The following FAM53B variants were observed in gnomAD, a reference collection of about 807,000 sequenced individuals.
FAM53B encodes protein FAM53B.
FAM53B carries 12 observed loss-of-function variants against 32.7 expected under a neutral mutation model. That is an observed-to-expected ratio of 0.37 (90% CI 0.24 to 0.59). The LOEUF is 0.59. Ranked by LOEUF, FAM53B falls within the 20% of genes least tolerant of loss-of-function variation. The pLI, the probability that FAM53B is intolerant of heterozygous loss-of-function variation, is 0.72. For missense variants in FAM53B, 477 were observed against 577.7 expected (o/e 0.83, Z 1.79); for synonymous variants, 234 against 228.7 (o/e 1.02, Z -0.21).
chr10:124,678,301 G>A (rs1440635421), intron 4 of FAM53B, among the ~76,000 whole-genome samples: 1 of 152,184 alleles, frequency 6.6e-6, no homozygotes, highest in Non-Finnish European at 1.5e-5. Context: ...GGGGGAGTGT[G>A]TGTACATACA....
chr10:124,702,932 C>T (rs991651585), intron 2 of FAM53B, among the ~76,000 whole-genome samples: 1 of 152,112 alleles, frequency 6.6e-6, no homozygotes, highest in Non-Finnish European at 1.5e-5. Context: ...GGTCTGGCAC[C>T]TCCTCCCTTC....
chr10:124,670,062 G>A (rs1175082681), intron 4 of FAM53B, among the ~76,000 whole-genome samples: 1 of 152,122 alleles, frequency 6.6e-6, no homozygotes, highest in African/African-American at 2.4e-5. Context: ...CCAGGGTGAG[G>A]CTGATGTGTG....
At chr10:124,737,237 C>A (rs1302144729) in intron 1 of FAM53B, among the ~76,000 whole-genome samples, 1 of 152,250 alleles carries the variant, frequency 6.6e-6, no homozygotes, top group Admixed American at 6.5e-5. Flanking sequence ...TCGGCCCAAA[C>A]CCAACTCCCC....
Position 124,672,007 on chromosome 10 carries a change from G to C in FAM53B, c.906+9600C>G, listed in dbSNP as rs559368553. Among the ~76,000 whole-genome samples the C allele has an allele frequency of 3.9e-5, 6 of 152,334 alleles. No homozygotes were observed. In the East Asian group the frequency reaches 1.2e-3, roughly 29 times the overall value. On this transcript the variant is annotated intron_variant, in intron 4 of 4. Transcript: ENST00000337318. ...GACTGTGGCTTGAAGTTGCAAGAAA[G>C]AGTGGTAATTCCGGATGGCTGATAC... is the stretch of plus-strand genomic sequence containing the variant.
At chr10:124,624,363 T>C (rs1056079531) in intron 4 of FAM53B, among the ~76,000 whole-genome samples, 3 of 152,184 alleles carry the variant, frequency 2.0e-5, no homozygotes, top group African/African-American at 4.8e-5. Flanking sequence ...ACAGAGTCTC[T>C]AGAAGGGAGT....
chr10:124,722,235 C>T (rs10901809), intron 1 of FAM53B, among the ~76,000 whole-genome samples: 39,334 of 152,004 alleles, frequency 0.26, 5,578 homozygotes, highest in East Asian at 0.35. Context: ...GTTGGAAATG[C>T]TAATCACCCT....
intron 1 of FAM53B, among the ~76,000 whole-genome samples, chr10:124,716,061 A>G (rs910306793): frequency 6.6e-6 from 1 of 152,244 alleles, no homozygotes; most frequent in African/African-American, 2.4e-5. Flanking sequence ...CAGCAGGGCA[A>G]GTGAGAGTGG....
chr10:124,645,243 GCT>G (rs1452973954), intron 4 of FAM53B, among the ~76,000 whole-genome samples: 1 of 152,242 alleles, frequency 6.6e-6, no homozygotes, highest in African/African-American at 2.4e-5. Flanking sequence ...CCGCCTATCT[GCT>G]CTCTCAGCCT....
At chr10:124,705,932 C>T (rs1224815136) in intron 2 of FAM53B, among the ~76,000 whole-genome samples, 1 of 152,232 alleles carries the variant, frequency 6.6e-6, no homozygotes, top group African/African-American at 2.4e-5. Context: ...GCAGAGAGTT[C>T]TGAGGACTTG....
At chr10:124,720,300 T>C (rs34032724) in intron 1 of FAM53B, among the ~76,000 whole-genome samples, 2 of 96,602 alleles carry the variant, frequency 2.1e-5, no homozygotes, top group Admixed American at 2.8e-4. Flanking sequence ...TGAGACCTCG[T>C]CTTGACAAAA....
chr10:124,670,535 C>A (rs1346215243), intron 4 of FAM53B, among the ~76,000 whole-genome samples: 2 of 152,202 alleles, frequency 1.3e-5, no homozygotes, highest in African/African-American at 4.8e-5. Context: ...CCTGTCCCCC[C>A]AGCTTCACTG....
At chr10:124,639,565 A>C (rs1949457002) in intron 4 of FAM53B, among the ~76,000 whole-genome samples, 1 of 152,072 alleles carries the variant, frequency 6.6e-6, no homozygotes, top group East Asian at 1.9e-4. Flanking sequence ...TGGGGCTCCC[A>C]CTCAGAGGCC....
chr10:124,667,034 A>AC (rs778637697), intron 4 of FAM53B, among the ~76,000 whole-genome samples: 64 of 150,672 alleles, frequency 4.2e-4, no homozygotes, highest in East Asian at 4.1e-3. Context: ...CTGACCCCCA[A>AC]CCCCCCCACA....
At chr10:124,708,017 C>T (rs1949973286) in intron 1 of FAM53B, 1 of 152,174 alleles carries the variant, frequency 6.6e-6, no homozygotes, top group African/African-American at 2.4e-5. Flanking sequence ...CTTATAAACT[C>T]ATGTCTCTGA....
intron 4 of FAM53B, among the ~76,000 whole-genome samples, chr10:124,639,181 G>A (rs183831243): frequency 0.01 from 1,577 of 152,280 alleles, 116 homozygotes; most frequent in Admixed American, 0.096. Flanking sequence ...GGACCACAGG[G>A]ATTCAGAGGT....
intron 4 of FAM53B, among the ~76,000 whole-genome samples, chr10:124,660,666 T>C (rs1203069846): frequency 1.3e-5 from 2 of 152,222 alleles, no homozygotes; most frequent in Non-Finnish European, 2.9e-5. Flanking sequence ...CAGCTTTAGC[T>C]TTTGGTGAGA....
In FAM53B at chr10:124,682,970, A is replaced by C. The variant is rs1031933280; in HGVS notation, c.134-591T>G. ...ATAATAGAAGCTGGAACTTGTACTGATTTAGGTCACCTCCGTCAAAATGCT... is the reference window on the plus strand; with the variant it reads ...ATAATAGAAGCTGGAACTTGTACTGCTTTAGGTCACCTCCGTCAAAATGCT... On this transcript the variant is annotated intron_variant, in intron 3 of 4. Transcript: ENST00000337318. The surrounding 1 kb of genome is among the most constrained non-coding windows in gnomAD (Gnocchi z 5.2). Among the ~76,000 whole-genome samples, 3 of 152,244 alleles carry C rather than the reference A, an allele frequency of 2.0e-5. No homozygotes were observed. The highest frequency in any genetic ancestry group is 2.0e-4 in the Admixed American group (3 of 15,286).
chr10:124,647,278 T>A (rs1206361114), intron 4 of FAM53B, among the ~76,000 whole-genome samples: 1 of 152,112 alleles, frequency 6.6e-6, no homozygotes, highest in Non-Finnish European at 1.5e-5. Flanking sequence ...GTGACTTGGA[T>A]GAATGGCGCA....
chr10:124,710,444 C>T (rs1564884715), intron 1 of FAM53B, among the ~76,000 whole-genome samples: 1 of 152,226 alleles, frequency 6.6e-6, no homozygotes, highest in Admixed American at 6.5e-5. Context: ...GAGCCCAGCA[C>T]GATCTGGAAT....
Sources: allele counts gnomAD v4.1 joint callset (sites outside exome capture counted in the v4.1 genomes callset), GRCh38; gene constraint gnomAD v4.1.1; non-coding constraint Gnocchi (gnomAD v3.1); transcripts MANE v1.5; gene names NCBI Gene and HGNC (gene_info 2026-07-23, HGNC 2026-07-21).